Variants in CTNND2 observed in about 807,000 individuals in gnomAD.
The protein encoded by CTNND2 is catenin delta-2.
In CTNND2, 22 loss-of-function variants were observed where a neutral mutation model predicts 144.4. The observed-to-expected ratio is 0.15, with a 90% CI of 0.11 to 0.22. The LOEUF (loss-of-function observed/expected upper bound fraction) is 0.22. CTNND2 is among the 10% of genes least tolerant of loss of function. CTNND2 has a pLI of 1.00. For synonymous variants in CTNND2, 751 were observed against 695.6 expected (o/e 1.08, Z -1.25); for missense variants, 1,353 against 1,618.8 (o/e 0.84, Z 2.82).
At chr5:11,264,264 G>A (rs899069995) in intron 9 of CTNND2, among the ~76,000 whole-genome samples, 3 of 152,208 alleles carry the variant, frequency 2.0e-5, no homozygotes, top group African/African-American at 7.2e-5. Context: ...CTGTGAATGT[G>A]ACTTTATTTG....
At chr5:11,522,716 C>A (rs929205565) in intron 3 of CTNND2, among the ~76,000 whole-genome samples, 4 of 152,156 alleles carry the variant, frequency 2.6e-5, no homozygotes, top group African/African-American at 9.7e-5. Context: ...GACAAGATGG[C>A]AGACAGGACC....
rs182438418 is a variant in CTNND2 at position 11,502,293 on chromosome 5, T to C, written c.287+62651A>G. On this transcript the variant is annotated intron_variant, in intron 3 of 21. Coordinates refer to ENST00000304623, the MANE Select transcript of CTNND2 (RefSeq NM_001332.4). ...AACCACTATGTGCTGTGCATTTTTC[T>C]AGGTACTGACTGTATAGCGGATGTA... Among the ~76,000 whole-genome samples, 12 of 152,322 alleles carry C rather than the reference T, an allele frequency of 7.9e-5. No individual in the cohort carries two copies. The East Asian group carries it at 2.3e-3, about 29-fold the overall frequency.
chr5:11,501,503 G>A (rs745693674), intron 3 of CTNND2, among the ~76,000 whole-genome samples: 11 of 152,204 alleles, frequency 7.2e-5, no homozygotes, highest in Non-Finnish European at 1.3e-4. Context: ...TCTCAACACT[G>A]AGAGGTCCTT....
chr5:11,812,226 C>A (rs189035173), intron 1 of CTNND2, among the ~76,000 whole-genome samples: 31 of 152,280 alleles, frequency 2.0e-4, no homozygotes, highest in South Asian at 1.0e-3. Flanking sequence ...GAATAGCAAT[C>A]GCTGGGAGAG....
intron 1 of CTNND2, among the ~76,000 whole-genome samples, chr5:11,809,744 A>G (rs10065917): frequency 0.085 from 12,968 of 152,244 alleles, 1,621 homozygotes; most frequent in African/African-American, 0.27. Context: ...GTAGAGGAGA[A>G]CCAAAAAACA....
intron 14 of CTNND2, 83 bp downstream of exon 14, chr5:11,110,775 C>G: frequency 3.1e-6 from 4 of 1,305,436 alleles, no homozygotes; most frequent in Non-Finnish European, 4.2e-6. Flanking sequence ...AAATGCAGGG[C>G]TCATTCTCTA....
chr5:11,526,414 C>T (rs188690121), intron 3 of CTNND2, among the ~76,000 whole-genome samples: 9 of 152,204 alleles, frequency 5.9e-5, no homozygotes, highest in East Asian at 1.9e-4. Context: ...TCGCAGTTTC[C>T]GGAACCTATC....
At chr5:11,521,425 C>T (rs1041328256) in intron 3 of CTNND2, among the ~76,000 whole-genome samples, 3 of 152,174 alleles carry the variant, frequency 2.0e-5, no homozygotes, top group African/African-American at 2.4e-5. Flanking sequence ...TTATCTTTCA[C>T]TTACCTTAGA....
chr5:11,362,843 C>G (rs934795142), intron 8 of CTNND2, among the ~76,000 whole-genome samples: 3 of 152,166 alleles, frequency 2.0e-5, no homozygotes, highest in Non-Finnish European at 4.4e-5. Context: ...TTTTTCCTGT[C>G]AAGGGCCAGA....
At chr5:11,674,196 C>T (rs1784049606) in intron 2 of CTNND2, among the ~76,000 whole-genome samples, 1 of 152,176 alleles carries the variant, frequency 6.6e-6, no homozygotes, top group African/African-American at 2.4e-5. Flanking sequence ...ACCATATCTA[C>T]AGCTTTTCCT....
intron 2 of CTNND2, among the ~76,000 whole-genome samples, chr5:11,680,878 G>A (rs1784394579): frequency 6.6e-6 from 1 of 152,106 alleles, no homozygotes; most frequent in South Asian, 2.1e-4. Context: ...GTGGCCATTA[G>A]GTAAATAGAG....
At chr5:11,129,185 TA>T (rs1300967738) in intron 12 of CTNND2, among the ~76,000 whole-genome samples, 3 of 49,406 alleles carry the variant, frequency 6.1e-5, no homozygotes, top group Non-Finnish European at 1.0e-4. Flanking sequence ...ATTTTATATA[TA>T]ATATATAATA....
At position 11,220,990 on chromosome 5, in the gene CTNND2, G is replaced by C. The variant is rs145669394; in HGVS notation, c.1761+15701C>G. On this transcript the variant is annotated intron_variant, in intron 10 of 21. Coordinates refer to ENST00000304623, the MANE Select transcript of CTNND2 (RefSeq NM_001332.4). ...ACTCAGTGTTCTACTTGTCATGCAA[G>C]AGGCAAATTAATTAAGAAGGATTGT... 2.0e-5 allele frequency among the ~76,000 whole-genome samples: 3 copies of C among 152,298 alleles called. No individual in the cohort carries two copies. In the East Asian group the frequency reaches 5.8e-4, roughly 29 times the overall value.
intron 3 of CTNND2, among the ~76,000 whole-genome samples, chr5:11,512,765 T>A (rs904187405): frequency 5.9e-5 from 9 of 152,144 alleles, no homozygotes; most frequent in Non-Finnish European, 2.9e-5. Context: ...CAGTCCAGGA[T>A]TTCTTCTGGC....
chr5:11,359,426 G>A (rs936703643), intron 8 of CTNND2, among the ~76,000 whole-genome samples: 6 of 152,024 alleles, frequency 3.9e-5, no homozygotes, highest in Admixed American at 2.0e-4. Context: ...TATACTACCC[G>A]CCTCCCCCTG....
At chr5:11,356,727 T>C (rs749388519) in intron 8 of CTNND2, among the ~76,000 whole-genome samples, 17 of 151,656 alleles carry the variant, frequency 1.1e-4, no homozygotes, top group South Asian at 4.1e-4. Flanking sequence ...AAACTATTAA[T>C]AGACTGAGAA....
intron 12 of CTNND2, among the ~76,000 whole-genome samples, chr5:11,119,116 G>C (rs1259899063): frequency 6.6e-6 from 1 of 152,126 alleles, no homozygotes; most frequent in Non-Finnish European, 1.5e-5. Flanking sequence ...ATTCAGCTGA[G>C]GAGGAGCTGG....
chr5:11,678,097 A>G (rs113946295), intron 2 of CTNND2, among the ~76,000 whole-genome samples: 3,325 of 152,316 alleles, frequency 0.022, 44 homozygotes, highest in East Asian at 0.057. Context: ...AACTCTGACA[A>G]TAAGCAGTTA....
At chr5:11,076,204 C>T (rs1383633375) in intron 16 of CTNND2, among the ~76,000 whole-genome samples, 1 of 152,142 alleles carries the variant, frequency 6.6e-6, no homozygotes, top group Non-Finnish European at 1.5e-5. Flanking sequence ...AGGTGCTGCC[C>T]ACTTCAGCTC....
Sources: allele counts gnomAD v4.1 joint callset (sites outside exome capture counted in the v4.1 genomes callset), GRCh38; gene constraint gnomAD v4.1.1; transcripts MANE v1.5; gene names NCBI Gene and HGNC (gene_info 2026-07-23, HGNC 2026-07-21).